Variants in EPB41L5 observed in about 807,000 individuals in gnomAD.
EPB41L5 encodes band 4.1-like protein 5.
A neutral mutation model predicts 106.6 loss-of-function variants in EPB41L5; 55 were observed. The ratio of observed to expected loss-of-function variants is 0.52; its 90% CI spans 0.42 to 0.65. The LOEUF is 0.65. Ranked by LOEUF, EPB41L5 falls within the 30% of genes least tolerant of loss-of-function variation. The pLI is 0.00. For missense variants in EPB41L5, 871 were observed against 882.1 expected (o/e 0.99, Z 0.16); for synonymous variants, 297 against 306.7 (o/e 0.97, Z 0.33).
Position 120,127,797 on chromosome 2 carries a change from G to C in EPB41L5, c.1447G>C (p.Val483Leu). Residue 483 changes from valine (V) to leucine (L), a missense_variant, in exon 17 of 25, where the codon GTT (valine) becomes CTT (leucine). By Grantham distance (32) the Val-to-Leu change is conservative. Transcript: ENST00000263713. ...TMETSQALND[V>L]NVATRLPGLG... ...GGAAACATCCCAAGCACTGAATGACGTTAATGTAGCCACCAGGCTTCCGGG... is the reference window on the plus strand; with the variant it reads ...GGAAACATCCCAAGCACTGAATGACCTTAATGTAGCCACCAGGCTTCCGGG... The C allele has an allele frequency of 1.9e-6, 3 of 1,613,178 alleles. No individual in the cohort carries two copies. Among genetic ancestry groups the C allele is most frequent in the Non-Finnish European group, 2.5e-6 (3 of 1,179,388 alleles).
intron 20 of EPB41L5, among the ~76,000 whole-genome samples, chr2:120,149,487 G>A (rs1372611229): frequency 1.3e-5 from 2 of 152,126 alleles, no homozygotes; most frequent in Non-Finnish European, 2.9e-5. Context: ...TCTGTAATAT[G>A]AGGTCTTTTG....
At chr2:120,017,974 T>TG (rs982446774) in intron 1 of EPB41L5, among the ~76,000 whole-genome samples, 1 of 150,818 alleles carries the variant, frequency 6.6e-6, no homozygotes, top group Non-Finnish European at 1.5e-5. Context: ...TTTTTTTTTT[T>TG]TTTTTGAGAC....
chr2:120,167,952 G>T lies in EPB41L5; in HGVS notation c.2080G>T (p.Asp694Tyr). 6.2e-7 allele frequency: 1 copy of T among 1,614,128 alleles called. No homozygotes were observed. The highest frequency in any genetic ancestry group is 1.1e-5 in the South Asian group (1 of 91,086). Reference protein sequence around the residue: ...LTGKEGHGNKDGISLISPPAP... With the variant: ...LTGKEGHGNKYGISLISPPAP... ...AGGGAAGGAGGGACATGGTAATAAA[G>T]ATGGAATCTCACTGATCTCTCCCCC... Residue 694 changes from aspartate to tyrosine, a missense_variant, in exon 24 of 25, where the codon GAT (aspartate) becomes TAT (tyrosine). Transcript: ENST00000263713.
chr2:120,073,244 T>TGG, intron 4 of EPB41L5, 24 bp downstream of exon 4: 1 of 1,562,292 alleles, frequency 6.4e-7, no homozygotes, highest in Non-Finnish European at 8.8e-7. Context: ...AAATTATTTG[T>TGG]GGGGGGGAAA....
intron 20 of EPB41L5, among the ~76,000 whole-genome samples, chr2:120,159,999 A>G (rs1303981273): frequency 6.6e-6 from 1 of 152,212 alleles, no homozygotes; most frequent in East Asian, 1.9e-4. Flanking sequence ...TACTGCGTAA[A>G]GTGGGAGCTA....
At chr2:120,096,721 C>T (rs1043250925) in intron 14 of EPB41L5, among the ~76,000 whole-genome samples, 1 of 152,074 alleles carries the variant, frequency 6.6e-6, no homozygotes, top group African/African-American at 2.4e-5. Context: ...ACCCTGGAGT[C>T]GGAGGTTGCA....
At chr2:120,150,356 C>T in intron 20 of EPB41L5, among the ~76,000 whole-genome samples, 1 of 151,980 alleles carries the variant, frequency 6.6e-6, no homozygotes, top group Non-Finnish European at 1.5e-5. Context: ...CATTATTGCT[C>T]AATCACCCAG....
chr2:120,167,632 C>G, intron 23 of EPB41L5, 125 bp downstream of exon 23: 1 of 1,121,402 alleles, frequency 8.9e-7, no homozygotes, highest in Non-Finnish European at 1.3e-6. Flanking sequence ...GTTAACTGAA[C>G]TTAACTTAAT....
At chr2:120,174,530 A>C (rs1687848224) in intron 24 of EPB41L5, among the ~76,000 whole-genome samples, 1 of 151,944 alleles carries the variant, frequency 6.6e-6, no homozygotes. Context: ...TGAGCTCAGC[A>C]CAGCACTGTT....
chr2:120,163,272 C>CCCAA (rs1553515959), intron 21 of EPB41L5, among the ~76,000 whole-genome samples: 1 of 106,080 alleles, frequency 9.4e-6, no homozygotes, highest in Admixed American at 9.8e-5. Context: ...CCCCCCCCCC[C>CCCAA]AAAAAAAGAA....
At chr2:120,123,228 C>G (rs1380658347) in intron 16 of EPB41L5, among the ~76,000 whole-genome samples, 1 of 152,086 alleles carries the variant, frequency 6.6e-6, no homozygotes, top group African/African-American at 2.4e-5. Flanking sequence ...TCTAGAAAAC[C>G]TGGTCCCCTG....
At chr2:120,035,558 T>C (rs1397153390) in intron 2 of EPB41L5, among the ~76,000 whole-genome samples, 1 of 152,194 alleles carries the variant, frequency 6.6e-6, no homozygotes, top group Non-Finnish European at 1.5e-5. Context: ...TAGTTCCAGC[T>C]ACTCAGGAGG....
intron 21 of EPB41L5, among the ~76,000 whole-genome samples, chr2:120,164,374 C>A (rs1687297270): frequency 6.6e-6 from 1 of 151,886 alleles, no homozygotes. Flanking sequence ...GCTACTGTGC[C>A]CAGCTTAGCT....
chr2:120,163,085 C>T (rs10181609), intron 21 of EPB41L5, among the ~76,000 whole-genome samples: 1 of 151,954 alleles, frequency 6.6e-6, no homozygotes, highest in Non-Finnish European at 1.5e-5. Flanking sequence ...GACCCCGTCT[C>T]TACAAAAAAT....
intron 17 of EPB41L5, among the ~76,000 whole-genome samples, chr2:120,129,347 G>GAAAA (rs887608284): frequency 6.0e-5 from 9 of 149,438 alleles, no homozygotes; most frequent in Non-Finnish European, 1.2e-4. Context: ...AAAAAAAAAA[G>GAAAA]AAAGAAAGAA....
In EPB41L5 at chr2:120,067,661, AATAG is replaced by A. The variant is rs1681536055; in HGVS notation, c.286-5511_286-5508del. ...TTGTGGAACAAAGACTTCTTTATTT[AATAG>A]ATAGAACCTTGATTATGAGAAAGAT... On this transcript the variant is annotated intron_variant, in intron 3 of 24. Transcript: ENST00000263713. Among the ~76,000 whole-genome samples the A allele has an allele frequency of 2.6e-5, 4 of 152,198 alleles. No individual in the cohort carries two copies. In the South Asian group the frequency reaches 6.2e-4, roughly 24 times the overall value.
intron 10 of EPB41L5, among the ~76,000 whole-genome samples, chr2:120,085,325 A>G (rs1682983479): frequency 6.6e-6 from 1 of 152,138 alleles, no homozygotes; most frequent in Non-Finnish European, 1.5e-5. Flanking sequence ...TCTGTTTGTT[A>G]GTTTTCCTTC....
At position 120,026,197 on chromosome 2, in the gene EPB41L5, A is replaced by T. The variant is rs557436171; in HGVS notation, c.180+6933A>T. On this transcript the variant is annotated intron_variant, in intron 2 of 24. Transcript: ENST00000263713. ...ATAGGCATAATTTTTGGAATTTTTTATTGATATATCGTAGTCGTACATATT... is the reference window on the plus strand; with the variant it reads ...ATAGGCATAATTTTTGGAATTTTTTTTTGATATATCGTAGTCGTACATATT... Among the ~76,000 whole-genome samples, 216 of 152,334 alleles carry T rather than the reference A, an allele frequency of 1.4e-3. 1 individual carries two copies. Among genetic ancestry groups the T allele is most frequent in the Middle Eastern group, 6.8e-3 (2 of 294 alleles).
chr2:120,069,837 A>G (rs2105308427), intron 3 of EPB41L5, among the ~76,000 whole-genome samples: 1 of 152,348 alleles, frequency 6.6e-6, no homozygotes, highest in Middle Eastern at 3.4e-3. Flanking sequence ...GGAAATTTAT[A>G]GCACTAAATG....
Sources: allele counts gnomAD v4.1 joint callset (sites outside exome capture counted in the v4.1 genomes callset), GRCh38; gene constraint gnomAD v4.1.1; transcripts MANE v1.5; gene names NCBI Gene and HGNC (gene_info 2026-07-23, HGNC 2026-07-21).